The following MYOF variants were observed in gnomAD, a reference collection of about 807,000 sequenced individuals.
The protein encoded by MYOF is myoferlin, also known as fer-1-like 3, myoferlin.
Under a neutral mutation model 284.2 loss-of-function variants are expected in MYOF, and 244 were observed. The observed-to-expected ratio is 0.86, with a 90% CI of 0.77 to 0.95. MYOF has a LOEUF of 0.95. MYOF is among the 40% of genes least tolerant of loss of function. The pLI is 0.00. For missense variants in MYOF, 2,496 were observed against 2,560.6 expected, an observed-to-expected ratio of 0.97 and a Z score of 0.54; for synonymous variants, 904 against 919.7, an observed-to-expected ratio of 0.98 and a Z score of 0.31.
chr10:93,450,704 C>T (rs1396315470), intron 3 of MYOF, among the ~76,000 whole-genome samples: 4 of 152,212 alleles, frequency 2.6e-5, no homozygotes, highest in African/African-American at 9.6e-5. Flanking sequence ...GACCACCTAC[C>T]TCAACTAATT....
intron 3 of MYOF, among the ~76,000 whole-genome samples, chr10:93,439,141 C>G (rs1466684187): frequency 6.6e-6 from 1 of 152,140 alleles, no homozygotes; most frequent in East Asian, 1.9e-4. Flanking sequence ...TTTTCCCAGC[C>G]CCTCCCACCT....
intron 10 of MYOF, among the ~76,000 whole-genome samples, 175 bp from the exon 11 acceptor site, chr10:93,402,522 ACCCCCAC>A (rs1847346336): frequency 6.9e-6 from 1 of 145,474 alleles, no homozygotes; most frequent in African/African-American, 2.6e-5. Context: ...CCTACACCCC[ACCCCCAC>A]CATTCTGTCC....
At chr10:93,410,459 C>T (rs188123368) in intron 5 of MYOF, among the ~76,000 whole-genome samples, 215 of 152,284 alleles carry the variant, frequency 1.4e-3, no homozygotes, top group African/African-American at 4.6e-3. Context: ...CCTACTACCT[C>T]CTGATTATTT....
intron 53 of MYOF, among the ~76,000 whole-genome samples, chr10:93,308,290 A>G (rs1842221277): frequency 6.6e-6 from 1 of 151,128 alleles, no homozygotes; most frequent in African/African-American, 2.4e-5. Context: ...AATGGTCAAG[A>G]CAGTTGGACT....
At chr10:93,368,851 GAAGGCCTATCTGTAGAGTGGTGT>G (rs1845444912) in intron 25 of MYOF, among the ~76,000 whole-genome samples, 1 of 152,156 alleles carries the variant, frequency 6.6e-6, no homozygotes, top group African/African-American at 2.4e-5. Flanking sequence ...CTTGGAGCAT[GAAGGCCTATCTGTAGAGTGGTGT>G]TCATCTGAAA....
intron 1 of MYOF, among the ~76,000 whole-genome samples, chr10:93,462,561 A>C (rs1250027207): frequency 6.6e-6 from 1 of 152,054 alleles, no homozygotes; most frequent in Non-Finnish European, 1.5e-5. Flanking sequence ...CATGCATTTA[A>C]CCACTGCACC....
chr10:93,413,409 G>T (rs149078254), intron 5 of MYOF, among the ~76,000 whole-genome samples: 160 of 152,312 alleles, frequency 1.1e-3, no homozygotes, highest in Middle Eastern at 3.4e-3. Flanking sequence ...GAATGCTATG[G>T]GTTCCACAAA....
At chr10:93,459,219 C>A (rs1336870382) in intron 1 of MYOF, among the ~76,000 whole-genome samples, 1 of 152,196 alleles carries the variant, frequency 6.6e-6, no homozygotes, top group African/African-American at 2.4e-5. Flanking sequence ...TTGACCCCAC[C>A]CTTCCCTCTC....
intron 1 of MYOF, among the ~76,000 whole-genome samples, chr10:93,468,420 C>T (rs1259801458): frequency 6.6e-6 from 1 of 152,236 alleles, no homozygotes. Flanking sequence ...ACACAGGGGA[C>T]ATTACCAGGT....
chr10:93,357,221 A>G (rs1322691890), intron 29 of MYOF, among the ~76,000 whole-genome samples: 6 of 152,242 alleles, frequency 3.9e-5, no homozygotes, highest in Non-Finnish European at 8.8e-5. Context: ...TTTGTAAAAC[A>G]TTAGTATCTC....
At chr10:93,397,643 G>T (rs750797432) in intron 13 of MYOF, among the ~76,000 whole-genome samples, 187 bp from the exon 14 acceptor site, 12 of 151,288 alleles carry the variant, frequency 7.9e-5, no homozygotes, top group Admixed American at 5.9e-4. Flanking sequence ...CTGTTTCGAG[G>T]CACTAGGAGC....
intron 1 of MYOF, among the ~76,000 whole-genome samples, chr10:93,475,746 T>C (rs1270340319): frequency 6.6e-6 from 1 of 152,038 alleles, no homozygotes; most frequent in East Asian, 1.9e-4. Context: ...AACACACCCG[T>C]GATTAGAAAG....
chr10:93,437,691 A>T (rs921366079), intron 3 of MYOF, among the ~76,000 whole-genome samples: 2 of 152,126 alleles, frequency 1.3e-5, no homozygotes, highest in African/African-American at 4.8e-5. Flanking sequence ...ACCTAAAAAG[A>T]TGGTGAGCTT....
At chr10:93,321,698 C>CT (rs149149242) in intron 48 of MYOF, among the ~76,000 whole-genome samples, 7,260 of 152,022 alleles carry the variant, frequency 0.048, 591 homozygotes, top group African/African-American at 0.17. Flanking sequence ...CTCTTCCTCT[C>CT]TTTTTTTGGT....
In MYOF at chr10:93,409,576, G is replaced by C. The variant is rs1474082995; in HGVS notation, c.597C>G (p.Phe199Leu). 2.5e-6 allele frequency: 4 copies of C among 1,612,320 alleles called. No individual in the cohort carries two copies. In the Admixed American group the frequency reaches 6.7e-5, roughly 27 times the overall value. ...CAGAACGCCAGGCCGTTGCTACCTG[G>C]AAGTCCTGTGGCTTATTTGACAGCA... ...RRMLSNKPQD[F>L]QIRVRVIEGR... The change falls in exon 6 of 54, where the codon TTC becomes TTG. Residue 199 changes from phenylalanine (F) to leucine (L), a missense_variant. Physicochemically the swap from Phe to Leu is conservative, Grantham distance 22 (BLOSUM62 0). Transcript: ENST00000359263.
At chr10:93,365,437 C>A (rs368811616) in intron 26 of MYOF, among the ~76,000 whole-genome samples, 1 of 152,162 alleles carries the variant, frequency 6.6e-6, no homozygotes, top group East Asian at 1.9e-4. Context: ...TTAATAACAG[C>A]TTTTGAGATA....
chr10:93,388,587 G>C (rs1564674243), intron 18 of MYOF, among the ~76,000 whole-genome samples: 2 of 152,188 alleles, frequency 1.3e-5, no homozygotes, highest in Non-Finnish European at 2.9e-5. Context: ...TGAGCCTTGG[G>C]AGATAACCTA....
intron 2 of MYOF, among the ~76,000 whole-genome samples, chr10:93,454,756 T>A (rs1457445009): frequency 6.6e-6 from 1 of 151,936 alleles, no homozygotes; most frequent in Non-Finnish European, 1.5e-5. Flanking sequence ...GATGGGAAAA[T>A]GGCTTGAGAC....
chr10:93,384,646 GA>G (rs74741758), intron 19 of MYOF, among the ~76,000 whole-genome samples: 9,833 of 142,454 alleles, frequency 0.069, 346 homozygotes, highest in Middle Eastern at 0.13. Flanking sequence ...CTCTGTCTCA[GA>G]AAAAAAAAAA....
Sources: gnomAD v4.1 joint callset for allele counts (sites outside exome capture counted in the v4.1 genomes callset) on GRCh38, gnomAD v4.1.1 for gene constraint, MANE v1.5 for transcripts, NCBI Gene and HGNC (gene_info 2026-07-23, HGNC 2026-07-21) for gene names.